LTBP1: variants seen among roughly 807,000 people sequenced by gnomAD.
The protein encoded by LTBP1 is latent-transforming growth factor beta-binding protein 1.
In LTBP1, 129 loss-of-function variants were observed where a neutral mutation model predicts 207.6. The ratio of observed to expected loss-of-function variants is 0.62; its 90% CI spans 0.54 to 0.72. The LOEUF is 0.72. Ranked by LOEUF, LTBP1 falls within the 30% of genes least tolerant of loss-of-function variation. The pLI, the probability that LTBP1 is intolerant of heterozygous loss-of-function variation, is 0.00. For synonymous variants in LTBP1, 963 were observed against 833.7 expected (o/e 1.16, Z -2.67); for missense variants, 2,281 against 2,217.2 (o/e 1.03, Z -0.58).
chr2:33,227,553 C>T (rs2091509960), intron 9 of LTBP1, among the ~76,000 whole-genome samples: 1 of 152,134 alleles, frequency 6.6e-6, no homozygotes, highest in Admixed American at 6.5e-5. Context: ...CCCCATGCCA[C>T]ACCCTTAGTG....
chr2:33,054,775 C>T lies in LTBP1; in HGVS notation c.863+33569C>T, dbSNP rs1380961562. ...CTGGCCCTCAGTAGTTAAATGTACC[C>T]GGGGCTCAGTGAGGGTGATGACATG... On this transcript the variant is annotated intron_variant, in intron 3 of 33. Transcript: ENST00000404816. 3.9e-5 allele frequency among the ~76,000 whole-genome samples: 6 copies of T among 152,194 alleles called. 1 individual carries two copies. In the South Asian group the frequency reaches 6.2e-4, roughly 16 times the overall value.
chr2:33,399,422 CA>C lies in LTBP1; in HGVS notation c.*878del, dbSNP rs2095386475. On this transcript the variant is annotated 3_prime_UTR_variant, in exon 34 of 34. Coordinates refer to ENST00000404816, the MANE Select transcript of LTBP1 (RefSeq NM_206943.4). ...TGTATAAGTTGTATCCCACTCTCCC[CA>C]CTTTTATCTTTTCCAGTGGTCTTCT... 6.6e-6 allele frequency: 1 copy of C among 152,190 alleles called. No homozygotes were observed. The highest frequency in any genetic ancestry group is 6.5e-5 in the Admixed American group (1 of 15,280). The allele number at this position is 152,190 out of a possible 1,614,324, so 9.4% of individuals were successfully genotyped here. A position where few individuals can be genotyped will look rare whatever the true frequency, so the allele number is the denominator to read the frequency against.
chr2:33,288,146 A>G (rs2093700954), intron 19 of LTBP1, among the ~76,000 whole-genome samples: 1 of 152,216 alleles, frequency 6.6e-6, no homozygotes, highest in Admixed American at 6.5e-5. Context: ...CCTTAGAGAA[A>G]TAATTGGCTA....
intron 5 of LTBP1, among the ~76,000 whole-genome samples, chr2:33,149,238 A>AC (rs1558707460): frequency 1.2e-4 from 18 of 144,330 alleles, no homozygotes; most frequent in Non-Finnish European, 2.5e-4. Flanking sequence ...CAAAAAAAAA[A>AC]AAAAAAAAAA....
chr2:33,378,186 TG>T (rs1259899002), intron 31 of LTBP1, among the ~76,000 whole-genome samples: 1 of 59,870 alleles, frequency 1.7e-5, no homozygotes, highest in Non-Finnish European at 3.4e-5. Flanking sequence ...TATATATATA[TG>T]TGTGTGTGTG....
At chr2:33,136,971 G>C (rs2082195024) in intron 5 of LTBP1, among the ~76,000 whole-genome samples, 1 of 152,130 alleles carries the variant, frequency 6.6e-6, no homozygotes, top group Non-Finnish European at 1.5e-5. Context: ...GTAATAAATA[G>C]TTTCACATTG....
chr2:32,959,621 A>ATATTTTTTTTTTTTTT (rs1475834284), intron 2 of LTBP1, among the ~76,000 whole-genome samples: 1 of 36,670 alleles, frequency 2.7e-5, no homozygotes, highest in African/African-American at 9.6e-5. Flanking sequence ...ATATATATAT[A>ATATTTTTTTTTTTTTT]TTTTTTTTTT....
rs6732645 is a variant in LTBP1, at chr2:33,068,398, C to T, written c.864-42184C>T. ...CTTCCATTATCTATTACCACTCCCA[C>T]ACCAGAGGGGTAATTTGTTATAAAT... On this transcript the variant is annotated intron_variant, in intron 3 of 33. Coordinates refer to ENST00000404816, the MANE Select transcript of LTBP1 (RefSeq NM_206943.4). Among the ~76,000 whole-genome samples the T allele has an allele frequency of 7.2e-3, 1,100 of 152,240 alleles. 11 individuals are homozygous for T. Among genetic ancestry groups the T allele is most frequent in the African/African-American group, 0.026 (1,059 of 41,522 alleles).
intron 3 of LTBP1, among the ~76,000 whole-genome samples, chr2:33,072,942 G>A (rs1459700016): frequency 2.0e-5 from 3 of 152,184 alleles, no homozygotes; most frequent in South Asian, 2.1e-4. Flanking sequence ...CATGTGTCCC[G>A]AGAGTAGAAG....
Position 33,265,516 on chromosome 2 carries a change from A to G in LTBP1, c.2617+2124A>G, listed in dbSNP as rs566819245. The stretch of plus-strand genomic sequence containing the variant: ...TACATTGGAACATTATGTTGCCACC[A>G]AATATAGTATTTTTGAAGAATTTTT... On this transcript the variant is annotated intron_variant, in intron 15 of 33. Coordinates refer to ENST00000404816, the MANE Select transcript of LTBP1 (RefSeq NM_206943.4). Among the ~76,000 whole-genome samples the G allele has an allele frequency of 2.0e-5, 3 of 152,362 alleles. No homozygotes were observed. The East Asian group carries it at 5.8e-4, about 29-fold the overall frequency.
chr2:33,209,774 A>T (rs923697169), intron 7 of LTBP1, among the ~76,000 whole-genome samples: 1 of 152,216 alleles, frequency 6.6e-6, no homozygotes. Context: ...AAATAAGCCC[A>T]GGTTTTTAAA....
At position 33,026,926 on chromosome 2, in the gene LTBP1, T is replaced by C. The variant is rs1417467311; in HGVS notation, c.863+5720T>C. Among the ~76,000 whole-genome samples, 6 of 152,346 alleles carry C rather than the reference T, an allele frequency of 3.9e-5. No homozygotes were observed. The East Asian group carries it at 1.2e-3, about 29-fold the overall frequency. ...CCAGCACCACAAAGCCCCTTGTTCT[T>C]AGACTCAGCCATCTTCCTCCTCACC... On this transcript the variant is annotated intron_variant, in intron 3 of 33. Coordinates refer to ENST00000404816, the MANE Select transcript of LTBP1 (RefSeq NM_206943.4).
At chr2:33,021,326 T>C in intron 3 of LTBP1, 120 bp downstream of exon 3, 7 of 929,668 alleles carry the variant, frequency 7.5e-6, no homozygotes, top group Non-Finnish European at 1.1e-5. Context: ...TAATAATGTT[T>C]TTCTTTCCTT....
chr2:33,198,854 T>C (rs2088868937), intron 7 of LTBP1, among the ~76,000 whole-genome samples: 1 of 152,230 alleles, frequency 6.6e-6, no homozygotes, highest in Non-Finnish European at 1.5e-5. Context: ...AACCAGCTCC[T>C]GGATTCATTA....
chr2:33,387,695 TAAAAG>T (rs924931995), intron 31 of LTBP1, among the ~76,000 whole-genome samples: 3 of 151,606 alleles, frequency 2.0e-5, no homozygotes, highest in African/African-American at 4.8e-5. Context: ...TAGGAGCTGA[TAAAAG>T]AAAGCCTTCA....
chr2:33,389,303 G>C lies in LTBP1; in HGVS notation c.4831G>C (p.Asp1611His). 1 of 1,614,086 alleles carries C rather than the reference G, an allele frequency of 6.2e-7. No homozygotes were observed. The highest frequency in any genetic ancestry group is 8.5e-7 in the Non-Finnish European group (1 of 1,179,996). ...TPEADPYFIQ[D>H]RFLNSFEELQ... The stretch of plus-strand genomic sequence containing the variant: ...AGAAGCCGATCCCTACTTCATCCAA[G>C]ACCGTAAGCAAAATAACCTTGTTCC... The change falls in exon 32 of 34, where the codon GAC (aspartate) becomes CAC (histidine). Residue 1611 changes from aspartate to histidine, a missense_variant. This residue lies in a region of LTBP1 where 1,671 missense variants were observed against 1,634.8 expected (regional missense o/e 1.02). Transcript: ENST00000404816.
intron 32 of LTBP1, among the ~76,000 whole-genome samples, chr2:33,392,227 T>G (rs1192071088): frequency 6.6e-6 from 1 of 151,684 alleles, no homozygotes; most frequent in East Asian, 1.9e-4. Context: ...CTCTCTTGCA[T>G]AGGCTGGAGT....
chr2:33,148,794 T>G (rs1374080001), intron 5 of LTBP1, among the ~76,000 whole-genome samples: 3 of 152,250 alleles, frequency 2.0e-5, no homozygotes, highest in African/African-American at 7.2e-5. Flanking sequence ...GGGGCAGTTT[T>G]GCACCCCCAC....
At chr2:32,959,625 T>A (rs868609367) in intron 2 of LTBP1, among the ~76,000 whole-genome samples, 26 of 86,312 alleles carry the variant, frequency 3.0e-4, no homozygotes, top group East Asian at 1.7e-3. Context: ...ATATATATTT[T>A]TTTTTTTTTT....
Sources: gnomAD v4.1 joint callset for allele counts (sites outside exome capture counted in the v4.1 genomes callset) on GRCh38, gnomAD v4.1.1 for gene constraint, gnomAD v4.1.1 regional missense constraint, MANE v1.5 for transcripts, NCBI Gene and HGNC (gene_info 2026-07-23, HGNC 2026-07-21) for gene names.